The following CNNM2 variants were observed in gnomAD, a reference collection of about 807,000 sequenced individuals.
CNNM2 encodes the protein cyclin and CBS domain divalent metal cation transport mediator 2, also known as metal transporter CNNM2.
CNNM2 carries 12 observed loss-of-function variants against 66.9 expected under a neutral mutation model. The ratio of observed to expected loss-of-function variants is 0.18; its 90% CI spans 0.11 to 0.29. CNNM2 has a LOEUF of 0.29. Among genes scored for constraint, CNNM2 ranks in the 10% least tolerant of loss-of-function variants. The probability of loss-of-function intolerance (pLI) is 1.00; values close to 1 mark genes in which losing one functional copy is unlikely to be tolerated. For missense variants in CNNM2, 705 were observed against 1,167.7 expected (o/e 0.60, Z 5.77); for synonymous variants, 557 against 501.8 (o/e 1.11, Z -1.47).
intron 1 of CNNM2, among the ~76,000 whole-genome samples, chr10:102,981,160 A>C (rs925964363): frequency 2.0e-5 from 3 of 152,096 alleles, no homozygotes; most frequent in Admixed American, 1.3e-4. Flanking sequence ...CATTCTGGGC[A>C]ACATGGCATA....
In CNNM2 at chr10:103,054,109, C is replaced by T. The variant is rs569724325; in HGVS notation, c.1766-220C>T. On this transcript the variant is annotated intron_variant, in intron 2 of 7. Coordinates refer to ENST00000369878, the MANE Select transcript of CNNM2 (RefSeq NM_017649.5). The surrounding 1 kb of genome is among the most constrained non-coding windows in gnomAD (Gnocchi z 5.2). ...GTACATTCACTAATCAGGCTGCCTG[C>T]GGTCACTCGCTGCGGACTGCGTGGT... 2.6e-5 allele frequency among the ~76,000 whole-genome samples: 4 copies of T among 152,286 alleles called. No individual in the cohort carries two copies. Among genetic ancestry groups the T allele is most frequent in the South Asian group, 4.1e-4 (2 of 4,828 alleles).
chr10:102,967,158 G>A (rs2063476214), intron 1 of CNNM2, among the ~76,000 whole-genome samples: 1 of 152,036 alleles, frequency 6.6e-6, no homozygotes, highest in Non-Finnish European at 1.5e-5. Context: ...TTGCTGTGTT[G>A]CCCAGGATGG....
chr10:102,950,248 GAAA>G (rs1438181429), intron 1 of CNNM2, among the ~76,000 whole-genome samples: 1 of 152,090 alleles, frequency 6.6e-6, no homozygotes, highest in Non-Finnish European at 1.5e-5. Flanking sequence ...TTTGATGGAG[GAAA>G]AATAACTTCT....
chr10:102,950,981 C>CTTTTTTTTTTTTTTTTTTTTTTTTTT (rs34870588), intron 1 of CNNM2, among the ~76,000 whole-genome samples: 1 of 80,458 alleles, frequency 1.2e-5, no homozygotes, highest in Non-Finnish European at 2.3e-5. Flanking sequence ...CTTTCTTTCT[C>CTTTTTTTTTTTTTTTTTTTTTTTTTT]TTTTTTTTTT....
chr10:102,925,780 A>C lies in CNNM2; in HGVS notation c.1621+5679A>C, dbSNP rs34572965. Among the ~76,000 whole-genome samples, 31,032 of 152,118 alleles carry C rather than the reference A, an allele frequency of 0.2. 3,302 individuals carry two copies. Among genetic ancestry groups the C allele is most frequent in the Non-Finnish European group, 0.22 (15,067 of 67,980 alleles). On this transcript the variant is annotated intron_variant, in intron 1 of 7. Coordinates refer to ENST00000369878, the MANE Select transcript of CNNM2 (RefSeq NM_017649.5). Reference sequence around the variant, plus strand: ...AGCAATTTTTGACAAGCATTTTATTATATAGAAAATAAGTCCAAGTGTGTG... The same window carrying C: ...AGCAATTTTTGACAAGCATTTTATTCTATAGAAAATAAGTCCAAGTGTGTG...
intron 1 of CNNM2, among the ~76,000 whole-genome samples, chr10:102,975,523 C>T (rs2134222366): frequency 1.3e-5 from 2 of 148,806 alleles, no homozygotes; most frequent in Middle Eastern, 3.6e-3. Flanking sequence ...CTTTTCTCAT[C>T]AGTGATACAG....
chr10:103,060,252 A>C (rs2065361476), intron 4 of CNNM2, among the ~76,000 whole-genome samples: 1 of 152,206 alleles, frequency 6.6e-6, no homozygotes, highest in Non-Finnish European at 1.5e-5. Context: ...ATAATGAAAT[A>C]AAATTCGAAA....
At chr10:103,068,422 C>T in intron 4 of CNNM2, 1 of 566,608 alleles carries the variant, frequency 1.8e-6, no homozygotes, top group Non-Finnish European at 3.2e-6. Context: ...ACACTGTCAC[C>T]TCTGTATAAT....
chr10:102,927,214 A>C, intron 1 of CNNM2: 2 of 1,201,614 alleles, frequency 1.7e-6, no homozygotes, highest in Non-Finnish European at 2.4e-6. Flanking sequence ...ATTGACAGTA[A>C]ACTTTCAATT....
intron 4 of CNNM2, among the ~76,000 whole-genome samples, chr10:103,066,315 C>A (rs1229480837): frequency 6.6e-6 from 1 of 152,168 alleles, no homozygotes; most frequent in African/African-American, 2.4e-5. Flanking sequence ...CTTCTTTCTC[C>A]CACTCGTGGT....
intron 1 of CNNM2, among the ~76,000 whole-genome samples, chr10:103,000,970 G>A (rs936184601): frequency 6.6e-6 from 1 of 152,196 alleles, no homozygotes; most frequent in Non-Finnish European, 1.5e-5. Context: ...TAAGCAAAAT[G>A]TGGTATTTAC....
intron 1 of CNNM2, among the ~76,000 whole-genome samples, chr10:103,011,835 G>A (rs778991100): frequency 6.6e-6 from 1 of 152,044 alleles, no homozygotes; most frequent in Non-Finnish European, 1.5e-5. Flanking sequence ...TGGGACTACA[G>A]GCACGCGCCA....
chr10:102,918,983 G>T lies in CNNM2; in HGVS notation c.503G>T (p.Arg168Leu). ...TTGCCCCACATCATTCTCAACCGCCGCACCTCGGGCATCATCGAGATCGAG... is the reference window on the plus strand; with the variant it reads ...TTGCCCCACATCATTCTCAACCGCCTCACCTCGGGCATCATCGAGATCGAG... ...IILPHIILNRRTSGIIEIEIK... is the reference protein window; with the variant it reads ...IILPHIILNRLTSGIIEIEIK... The change falls in exon 1 of 8, where the codon CGC becomes CTC. Residue 168 changes from arginine (R) to leucine (L), a missense_variant. Arg to Leu is a moderately radical substitution (Grantham distance 102). This residue lies in a region of CNNM2 where 100 missense variants were observed against 151.9 expected (regional missense o/e 0.66). Transcript: ENST00000369878. The surrounding 1 kb of genome is among the most constrained non-coding windows in gnomAD (Gnocchi z 4.1). 6.2e-7 allele frequency: 1 copy of T among 1,612,774 alleles called. No individual in the cohort carries two copies. The highest frequency in any genetic ancestry group is 8.5e-7 in the Non-Finnish European group (1 of 1,179,518).
At chr10:103,020,150 TTTG>T (rs1352569788) in intron 1 of CNNM2, among the ~76,000 whole-genome samples, 1 of 152,118 alleles carries the variant, frequency 6.6e-6, no homozygotes, top group East Asian at 1.9e-4. Flanking sequence ...ATCTTGCATT[TTTG>T]TTCTTTTTTT....
At chr10:103,049,671 G>GA (rs752121344) in intron 1 of CNNM2, 36 bp from the exon 2 acceptor site, 1 of 1,593,212 alleles carries the variant, frequency 6.3e-7, no homozygotes, top group Non-Finnish European at 8.6e-7. Flanking sequence ...AGAAAATTCA[G>GA]AAAGTCACTT....
chr10:103,005,550 G>C (rs1341605501), intron 1 of CNNM2, among the ~76,000 whole-genome samples: 1 of 152,080 alleles, frequency 6.6e-6, no homozygotes. Context: ...ATAGGAGGCT[G>C]AGGCAGGAGA....
At chr10:103,011,298 C>CAA (rs1187905010) in intron 1 of CNNM2, among the ~76,000 whole-genome samples, 31 of 151,998 alleles carry the variant, frequency 2.0e-4, no homozygotes, top group Non-Finnish European at 1.5e-4. Context: ...ACTAAAAATA[C>CAA]AAAAATTAGC....
In CNNM2 at chr10:103,054,857, G is replaced by A. The variant is rs1379154923; in HGVS notation, c.1903+391G>A. Reference sequence around the variant, plus strand: ...CCAGCCTGGCACCAGCTTGTTTGATGGACAATTGAGTCCAATCTCTCTTCA... The same window carrying A: ...CCAGCCTGGCACCAGCTTGTTTGATAGACAATTGAGTCCAATCTCTCTTCA... On this transcript the variant is annotated intron_variant, in intron 3 of 7. Transcript: ENST00000369878. This position sits in a 1 kb window ranked among gnomAD's most constrained non-coding sequence, Gnocchi z 5.2. 6.6e-6 allele frequency among the ~76,000 whole-genome samples: 1 copy of A among 152,176 alleles called. No homozygotes were observed. Among genetic ancestry groups the A allele is most frequent in the Non-Finnish European group, 1.5e-5 (1 of 68,036 alleles).
At chr10:103,014,090 A>G (rs1349560413) in intron 1 of CNNM2, among the ~76,000 whole-genome samples, 1 of 152,154 alleles carries the variant, frequency 6.6e-6, no homozygotes, top group Non-Finnish European at 1.5e-5. Context: ...TGCCCCTGCC[A>G]TTTGTCATGT....
Sources: allele counts gnomAD v4.1 joint callset (sites outside exome capture counted in the v4.1 genomes callset), GRCh38; gene constraint gnomAD v4.1.1; regional missense constraint gnomAD v4.1.1; non-coding constraint Gnocchi (gnomAD v3.1); transcripts MANE v1.5; gene names NCBI Gene and HGNC (gene_info 2026-07-23, HGNC 2026-07-21).